The following JAK1 variants were observed in gnomAD, a reference collection of about 807,000 sequenced individuals.
The protein encoded by JAK1 is Janus kinase 1, also known as tyrosine-protein kinase JAK1.
In JAK1, 16 loss-of-function variants were observed where a neutral mutation model predicts 136.6. The ratio of observed to expected loss-of-function variants is 0.12; its 90% CI spans 0.08 to 0.18. The LOEUF (loss-of-function observed/expected upper bound fraction) is 0.18, where lower values mean the gene tolerates loss of function less well. Among genes scored for constraint, JAK1 ranks in the 10% least tolerant of loss-of-function variants. The pLI, the probability that JAK1 is intolerant of heterozygous loss-of-function variation, is 1.00. For missense variants in JAK1, 859 were observed against 1,450.1 expected, an observed-to-expected ratio of 0.59 and a Z score of 6.62; for synonymous variants, 492 against 519.5, an observed-to-expected ratio of 0.95 and a Z score of 0.72.
intron 2 of JAK1, among the ~76,000 whole-genome samples, chr1:65,014,897 G>A (rs550910187): frequency 6.6e-6 from 1 of 152,164 alleles, no homozygotes; most frequent in East Asian, 1.9e-4. Context: ...GTGTTAGCCA[G>A]GAAGGTCTCG....
chr1:64,870,864 G>T (rs1252057764), intron 5 of JAK1, among the ~76,000 whole-genome samples: 2 of 152,158 alleles, frequency 1.3e-5, no homozygotes, highest in Non-Finnish European at 2.9e-5. Flanking sequence ...AATGATCTAT[G>T]CCAGTAATGT....
intron 2 of JAK1, chr1:64,987,138 C>T (rs1439376840): frequency 1.3e-5 from 2 of 152,194 alleles, no homozygotes; most frequent in Non-Finnish European, 2.9e-5. Context: ...CTGAAAACTT[C>T]CTTAGTTCCT....
chr1:64,909,953 A>G (rs1480642311), intron 1 of JAK1, among the ~76,000 whole-genome samples: 2 of 152,192 alleles, frequency 1.3e-5, no homozygotes, highest in Non-Finnish European at 2.9e-5. Context: ...TGCTCTCTTT[A>G]GCCCTGTTCT....
chr1:65,054,881 A>T (rs1569960146), intron 1 of JAK1, among the ~76,000 whole-genome samples: 2 of 152,222 alleles, frequency 1.3e-5, no homozygotes, highest in Admixed American at 1.3e-4. Context: ...AAATGCATAA[A>T]GACATGGCAA....
At chr1:64,986,143 T>TCCTGGAG (rs1646597382) in intron 2 of JAK1, 17 of 574,544 alleles carry the variant, frequency 3.0e-5, no homozygotes, top group Middle Eastern at 6.3e-4. Context: ...TTCACTCTTG[T>TCCTGGAG]TGCTCAGCCT....
In JAK1 at chr1:64,860,256, T is replaced by G. The variant is rs1289234871; in HGVS notation, c.1183A>C (p.Lys395Gln). The change falls in exon 9 of 25, where the codon AAG (lysine) becomes CAG (glutamine). Residue 395 changes from lysine (K) to glutamine (Q), a missense_variant. Lys to Gln is a moderately conservative substitution (Grantham distance 53, BLOSUM62 1). This residue lies in a region of JAK1 where 353 missense variants were observed against 494.0 expected (regional missense o/e 0.71). Coordinates refer to ENST00000342505, the MANE Select transcript of JAK1 (RefSeq NM_002227.4). ...NKQDNKKMEL[K>Q]LSSHEEALSF... ...AAGGCCTCCTCGTGGGAAGAGAGCT[T>G]CAGTTCCTGTTGAGAGAGAAGAAAT... The G allele has an allele frequency of 6.2e-7, 1 of 1,604,014 alleles. No homozygotes were observed. The highest frequency in any genetic ancestry group is 8.5e-7 in the Non-Finnish European group (1 of 1,173,870).
upstream of JAK1, among the ~76,000 whole-genome samples, chr1:64,971,288 A>C (rs1185713039): frequency 6.6e-6 from 1 of 152,214 alleles, no homozygotes; most frequent in Non-Finnish European, 1.5e-5. Context: ...CTGTTCCTTA[A>C]ACTTAATTGT....
At position 64,839,038 on chromosome 1, in the gene JAK1, C is replaced by T. The variant is rs372421648; in HGVS notation, c.2843-449G>A. On this transcript the variant is annotated intron_variant, in intron 20 of 24. Coordinates refer to ENST00000342505, the MANE Select transcript of JAK1 (RefSeq NM_002227.4). ...GCGGGCGCCTGTAGTCCCAGCTACT[C>T]GGGAGGCTGAGGCAGGAGAATGGCG... 3.5e-4 allele frequency among the ~76,000 whole-genome samples: 52 copies of T among 147,022 alleles called. No homozygotes were observed. The Middle Eastern group carries it at 0.014, about 41-fold the overall frequency.
chr1:64,931,842 C>G (rs1251774192), intron 1 of JAK1, among the ~76,000 whole-genome samples: 1 of 152,036 alleles, frequency 6.6e-6, no homozygotes, highest in Non-Finnish European at 1.5e-5. Flanking sequence ...TGTACACACA[C>G]AGAGATCTAG....
At chr1:64,948,726 A>G (rs1292911174) in intron 1 of JAK1, among the ~76,000 whole-genome samples, 2 of 152,192 alleles carry the variant, frequency 1.3e-5, no homozygotes, top group Non-Finnish European at 2.9e-5. Flanking sequence ...GCTTTTCAAC[A>G]CTCACTGCAA....
chr1:64,854,299 A>C (rs1655786416), intron 11 of JAK1, among the ~76,000 whole-genome samples: 1 of 152,186 alleles, frequency 6.6e-6, no homozygotes, highest in Admixed American at 6.5e-5. Flanking sequence ...TCCCAGATAA[A>C]GACTCCTCAG....
At chr1:64,866,741 G>T in intron 7 of JAK1, 125 bp downstream of exon 7, 2 of 662,618 alleles carry the variant, frequency 3.0e-6, no homozygotes, top group Non-Finnish European at 5.3e-6. Flanking sequence ...ATGATACATG[G>T]TCTCCTAAAT....
intron 9 of JAK1, among the ~76,000 whole-genome samples, chr1:64,858,795 G>A (rs2101065714): frequency 6.6e-6 from 1 of 152,296 alleles, no homozygotes; most frequent in African/African-American, 2.4e-5. Flanking sequence ...GCCACTGAAG[G>A]AAAATAAGGT....
intron 1 of JAK1, among the ~76,000 whole-genome samples, chr1:64,904,375 A>T (rs1645159056): frequency 6.6e-6 from 1 of 152,234 alleles, no homozygotes; most frequent in African/African-American, 2.4e-5. Context: ...TTCTATGTAC[A>T]TATCCTTCTA....
intron 2 of JAK1, among the ~76,000 whole-genome samples, chr1:65,025,891 C>T (rs558487159): frequency 6.6e-6 from 1 of 152,088 alleles, no homozygotes; most frequent in Non-Finnish European, 1.5e-5. Context: ...GTTGCCCAGG[C>T]TACTCTTGTA....
At chr1:64,956,096 G>A (rs1330411482) in intron 1 of JAK1, among the ~76,000 whole-genome samples, 2 of 152,250 alleles carry the variant, frequency 1.3e-5, no homozygotes, top group African/African-American at 4.8e-5. Flanking sequence ...TTTACATACT[G>A]TCTATATCTA....
At chr1:64,900,833 A>ATT (rs1214382407) in intron 1 of JAK1, among the ~76,000 whole-genome samples, 4 of 152,052 alleles carry the variant, frequency 2.6e-5, no homozygotes, top group Non-Finnish European at 4.4e-5. Flanking sequence ...GCTCATCCCC[A>ATT]TTTGTGCCCT....
chr1:64,859,828 T>C (rs1044647504), intron 9 of JAK1: 3 of 240,154 alleles, frequency 1.2e-5, no homozygotes, highest in South Asian at 1.7e-4. Context: ...AATCAGAAAG[T>C]GTAGTACTTC....
At chr1:65,047,400 T>C (rs1449617076) in intron 1 of JAK1, among the ~76,000 whole-genome samples, 1 of 152,176 alleles carries the variant, frequency 6.6e-6, no homozygotes, top group East Asian at 1.9e-4. Flanking sequence ...TGGTCCTACT[T>C]GGTAGGGACT....
Sources: gnomAD v4.1 joint callset for allele counts (sites outside exome capture counted in the v4.1 genomes callset) on GRCh38, gnomAD v4.1.1 for gene constraint, gnomAD v4.1.1 regional missense constraint, MANE v1.5 for transcripts, NCBI Gene and HGNC (gene_info 2026-07-23, HGNC 2026-07-21) for gene names.